Variants in EIF4E3 observed in about 807,000 individuals in gnomAD.
The protein encoded by EIF4E3 is eukaryotic translation initiation factor 4E type 3.
In EIF4E3, 26 loss-of-function variants were observed where a neutral mutation model predicts 31.7. The observed-to-expected ratio is 0.82, with a 90% CI of 0.60 to 1.14. The LOEUF is 1.14. Ranked by LOEUF, EIF4E3 falls within the 50% of genes most tolerant of loss-of-function variation. The pLI, the probability that EIF4E3 is intolerant of heterozygous loss-of-function variation, is 0.00. For synonymous variants in EIF4E3, 128 were observed against 107.7 expected (o/e 1.19, Z -1.17); for missense variants, 304 against 270.9 (o/e 1.12, Z -0.86).
chr3:71,720,608 A>G (rs2049533048), intron 1 of EIF4E3, among the ~76,000 whole-genome samples: 1 of 152,202 alleles, frequency 6.6e-6, no homozygotes. Flanking sequence ...ACAACTTCAT[A>G]AAAGAGGTCC....
rs890660269 is a variant in EIF4E3 at position 71,679,584 on chromosome 3, T to C, written c.*5098A>G. The stretch of plus-strand genomic sequence containing the variant: ...ATAAGGTACACTCAAGACACACATA[T>C]ACAATGGAACTCTGAATTTCAGTAG... On this transcript the variant is annotated 3_prime_UTR_variant, in exon 7 of 7. Coordinates refer to ENST00000425534, the MANE Select transcript of EIF4E3 (RefSeq NM_001134651.2). 9.2e-5 allele frequency: 14 copies of C among 152,292 alleles called. No homozygotes were observed. Among genetic ancestry groups the C allele is most frequent in the African/African-American group, 3.4e-4 (14 of 41,572 alleles). The allele number at this position is 152,292 out of a possible 1,614,324, so 9.4% of individuals were successfully genotyped here. A position where few individuals can be genotyped will look rare whatever the true frequency, so the allele number is the denominator to read the frequency against.
chr3:71,661,082 CAG>C, the EIF4E3 span, among the ~76,000 whole-genome samples: 1 of 152,168 alleles, frequency 6.6e-6, no homozygotes, highest in Non-Finnish European at 1.5e-5. Context: ...ATTGCCCCCA[CAG>C]AGATTCTCAT....
At chr3:71,671,856 C>G (rs1015446493), downstream of EIF4E3, among the ~76,000 whole-genome samples, 1 of 151,868 alleles carries the variant, frequency 6.6e-6, no homozygotes, top group African/African-American at 2.4e-5. Flanking sequence ...ACCCCCAGAA[C>G]AGTCAGGGGA....
intron 1 of EIF4E3, among the ~76,000 whole-genome samples, chr3:71,711,365 G>C (rs935035378): frequency 8.5e-5 from 13 of 152,214 alleles, no homozygotes; most frequent in Non-Finnish European, 1.8e-4. Flanking sequence ...CCCACATCTG[G>C]TTGTTGGTGA....
At chr3:71,710,940 G>C (rs1017492816) in intron 1 of EIF4E3, among the ~76,000 whole-genome samples, 3 of 152,174 alleles carry the variant, frequency 2.0e-5, no homozygotes, top group African/African-American at 7.2e-5. Flanking sequence ...TTGAGAAACA[G>C]AGTGACCATT....
At chr3:71,694,183 T>G (rs1054819446) in intron 4 of EIF4E3, among the ~76,000 whole-genome samples, 2 of 152,192 alleles carry the variant, frequency 1.3e-5, no homozygotes, top group East Asian at 3.9e-4. Context: ...TAAAAGCTAA[T>G]CTCTAGTGAA....
At chr3:71,746,828 C>T (rs939740497) in intron 1 of EIF4E3, among the ~76,000 whole-genome samples, 3 of 152,182 alleles carry the variant, frequency 2.0e-5, no homozygotes, top group Admixed American at 6.5e-5. Flanking sequence ...AACCAACTTT[C>T]TATCACTATG....
At chr3:71,717,610 C>G (rs764545725) in intron 1 of EIF4E3, among the ~76,000 whole-genome samples, 1 of 152,184 alleles carries the variant, frequency 6.6e-6, no homozygotes, top group African/African-American at 2.4e-5. Flanking sequence ...TCCTGTCCAG[C>G]TCCGATACTT....
At position 71,675,451 on chromosome 3, in the gene EIF4E3, G is replaced by C. The variant is rs964982045; in HGVS notation, c.*9231C>G. ...TTTTTTAATTCCCAGTTAAAACCTT[G>C]AGAAAATAAGCAAGTAGATGGTGTG... is the stretch of plus-strand genomic sequence containing the variant. On this transcript the variant is annotated 3_prime_UTR_variant, in exon 7 of 7. Transcript: ENST00000425534. 1 of 152,190 alleles carries C rather than the reference G, an allele frequency of 6.6e-6. No homozygotes were observed. Among genetic ancestry groups the C allele is most frequent in the South Asian group, 2.1e-4 (1 of 4,830 alleles). The allele number at this position is 152,190 out of a possible 1,614,324, so 9.4% of individuals were successfully genotyped here.
chr3:71,750,809 G>C (rs1179452895), intron 1 of EIF4E3, among the ~76,000 whole-genome samples: 1 of 151,420 alleles, frequency 6.6e-6, no homozygotes, highest in African/African-American at 2.4e-5. Flanking sequence ...TGTTGCCCAG[G>C]CTGAAGTGCA....
chr3:71,687,219 C>CT (rs2049004071), intron 6 of EIF4E3, among the ~76,000 whole-genome samples: 2 of 152,158 alleles, frequency 1.3e-5, no homozygotes, highest in South Asian at 4.1e-4. Context: ...CCAGGCTGGT[C>CT]TTTAACTCCT....
At chr3:71,710,282 TG>T in intron 2 of EIF4E3, 129 bp downstream of exon 2, 1 of 1,030,338 alleles carries the variant, frequency 9.7e-7, no homozygotes, top group Non-Finnish European at 1.5e-6. Context: ...TGTGCCAACC[TG>T]GACCCGAGAG....
intron 1 of EIF4E3, among the ~76,000 whole-genome samples, chr3:71,718,927 T>C (rs560410710): frequency 1.2e-3 from 185 of 152,332 alleles, no homozygotes; most frequent in African/African-American, 4.3e-3. Context: ...AAAGTTCAGA[T>C]GCCAGCCACT....
chr3:71,699,716 A>T lies in EIF4E3; in HGVS notation c.250-8T>A. 1 of 1,606,108 alleles carries T rather than the reference A, an allele frequency of 6.2e-7. No individual in the cohort carries two copies. The highest frequency in any genetic ancestry group is 8.5e-7 in the Non-Finnish European group (1 of 1,174,614). On this transcript the variant is annotated splice_region_variant and splice_polypyrimidine_tract_variant and intron_variant, in intron 2 of 6. Coordinates refer to ENST00000425534, the MANE Select transcript of EIF4E3 (RefSeq NM_001134651.2). Reference sequence around the variant, plus strand: ...GTATACACTCCAAAATATCTTTAAAAGAAAAACAAACACTTTGTTTAATAT... The same window carrying T: ...GTATACACTCCAAAATATCTTTAAATGAAAAACAAACACTTTGTTTAATAT...
chr3:71,726,874 T>A (rs1578378912), upstream of EIF4E3, among the ~76,000 whole-genome samples: 2 of 152,366 alleles, frequency 1.3e-5, no homozygotes, highest in Admixed American at 1.3e-4. Context: ...ATCTTGTTGC[T>A]TAATATCTCC....
At chr3:71,690,193 A>T in intron 5 of EIF4E3, 28 bp from the exon 6 acceptor site, 1 of 1,580,212 alleles carries the variant, frequency 6.3e-7, no homozygotes, top group Non-Finnish European at 8.6e-7. Flanking sequence ...AAAAAAAAAA[A>T]TGAGTGATAC....
At position 71,675,931 on chromosome 3, in the gene EIF4E3, T is replaced by C. The variant is rs2048871355; in HGVS notation, c.*8751A>G. The C allele has an allele frequency of 6.6e-6, 1 of 152,240 alleles. No individual in the cohort carries two copies. The highest frequency in any genetic ancestry group is 2.4e-5 in the African/African-American group (1 of 41,456). 9.4% of individuals were successfully genotyped at this position (152,240 alleles called of 1,614,324 possible). A position where few individuals can be genotyped will look rare whatever the true frequency, so the allele number is the denominator to read the frequency against. ...CCTTCGGCAAGTTATTTCACCTCTCTGAACCTCATGCATATGTTTCCACAT... is the reference window on the plus strand; with the variant it reads ...CCTTCGGCAAGTTATTTCACCTCTCCGAACCTCATGCATATGTTTCCACAT... On this transcript the variant is annotated 3_prime_UTR_variant, in exon 7 of 7. Coordinates refer to ENST00000425534, the MANE Select transcript of EIF4E3 (RefSeq NM_001134651.2).
At chr3:71,701,497 C>A (rs773375733) in intron 2 of EIF4E3, among the ~76,000 whole-genome samples, 70 of 152,178 alleles carry the variant, frequency 4.6e-4, no homozygotes, top group Non-Finnish European at 8.8e-4. Context: ...AATTACTACG[C>A]TATGAATGCT....
chr3:71,702,729 C>G (rs1444698131), intron 2 of EIF4E3, among the ~76,000 whole-genome samples: 3 of 138,966 alleles, frequency 2.2e-5, no homozygotes, highest in East Asian at 2.0e-4. Flanking sequence ...AAAAAAAAAG[C>G]CCTATTTGAA....
Sources: gnomAD v4.1 joint callset for allele counts (sites outside exome capture counted in the v4.1 genomes callset) on GRCh38, gnomAD v4.1.1 for gene constraint, MANE v1.5 for transcripts, NCBI Gene and HGNC (gene_info 2026-07-23, HGNC 2026-07-21) for gene names.